MTHFD1L: variants seen among roughly 807,000 people sequenced by gnomAD.
MTHFD1L encodes the protein methylenetetrahydrofolate dehydrogenase (NADP+ dependent) 1 like, also known as monofunctional C1-tetrahydrofolate synthase, mitochondrial.
A neutral mutation model predicts 119.5 loss-of-function variants in MTHFD1L; 81 were observed. The observed-to-expected ratio is 0.68, with a 90% CI of 0.57 to 0.82. The LOEUF is 0.82. Ranked by LOEUF, MTHFD1L falls within the 40% of genes least tolerant of loss-of-function variation. The probability of loss-of-function intolerance (pLI) is 0.00; values close to 1 mark genes in which losing one functional copy is unlikely to be tolerated. For missense variants in MTHFD1L, 1,125 were observed against 1,253.4 expected, an observed-to-expected ratio of 0.90 and a Z score of 1.55; for synonymous variants, 430 against 475.2, an observed-to-expected ratio of 0.90 and a Z score of 1.24.
At chr6:151,050,606 C>T (rs1788865384) in intron 26 of MTHFD1L, among the ~76,000 whole-genome samples, 1 of 152,142 alleles carries the variant, frequency 6.6e-6, no homozygotes, top group Admixed American at 6.5e-5. Flanking sequence ...TCCAGAGGCC[C>T]AGACTTGCGA....
chr6:150,893,846 T>C (rs1783761172), intron 7 of MTHFD1L, among the ~76,000 whole-genome samples: 1 of 152,218 alleles, frequency 6.6e-6, no homozygotes, highest in Non-Finnish European at 1.5e-5. Context: ...GACACACAGC[T>C]CTGGGCTCAA....
intron 25 of MTHFD1L, among the ~76,000 whole-genome samples, chr6:151,035,470 G>A (rs558641941): frequency 6.6e-6 from 1 of 152,230 alleles, no homozygotes; most frequent in Non-Finnish European, 1.5e-5. Context: ...GCCAGCCAGG[G>A]TATTTGTTCT....
At chr6:150,915,953 C>A (rs1299612331) in intron 8 of MTHFD1L, among the ~76,000 whole-genome samples, 1 of 152,100 alleles carries the variant, frequency 6.6e-6, no homozygotes, top group Non-Finnish European at 1.5e-5. Flanking sequence ...GAGAGAGGCC[C>A]GTTTGTGGAC....
intron 20 of MTHFD1L, among the ~76,000 whole-genome samples, chr6:150,979,722 A>G (rs1386209050): frequency 2.6e-5 from 4 of 151,998 alleles, no homozygotes; most frequent in African/African-American, 9.7e-5. Flanking sequence ...CTAGTCTCAA[A>G]TTCCTGACCT....
Position 150,916,292 on chromosome 6 carries a change from CTTTTTTTTTTTT to C in MTHFD1L, c.893-2269_893-2258del, listed in dbSNP as rs71554488. Among the ~76,000 whole-genome samples, 181 of 40,012 alleles carry C rather than the reference CTTTTTTTTTTTT, an allele frequency of 4.5e-3. 2 individuals are homozygous for C. Among genetic ancestry groups the C allele is most frequent in the African/African-American group, 0.017 (169 of 10,228 alleles). The allele number at this position is 40,012 out of a possible 152,430, so 26.2% of individuals were successfully genotyped here. On this transcript the variant is annotated intron_variant, in intron 8 of 27. Transcript: ENST00000367321. ...AGTGATGAAGGAAGGAAGGTAGAAT[CTTTTTTTTTTTT>C]TTTTTTTTTTTTTTTCAGATAGAGT...
At chr6:150,964,917 A>G (rs1473232761) in intron 18 of MTHFD1L, 52 bp from the exon 19 acceptor site, 4 of 1,578,266 alleles carry the variant, frequency 2.5e-6, no homozygotes, top group Non-Finnish European at 3.5e-6. Flanking sequence ...GGGGTTAACC[A>G]TTGCCTGGAT....
At chr6:151,077,693 TAAATA>T (rs1219687880) in intron 26 of MTHFD1L, among the ~76,000 whole-genome samples, 3 of 143,150 alleles carry the variant, frequency 2.1e-5, no homozygotes, top group African/African-American at 7.8e-5. Flanking sequence ...AAGAAAAAAA[TAAATA>T]AAAGTTATCA....
chr6:151,069,699 C>A (rs536461543), intron 26 of MTHFD1L, among the ~76,000 whole-genome samples: 5 of 152,148 alleles, frequency 3.3e-5, no homozygotes, highest in Non-Finnish European at 5.9e-5. Context: ...GGGATCACTT[C>A]CCTGGTGGGA....
chr6:150,904,215 T>G (rs1160990115), intron 7 of MTHFD1L, among the ~76,000 whole-genome samples: 7 of 152,184 alleles, frequency 4.6e-5, no homozygotes, highest in Admixed American at 4.6e-4. Flanking sequence ...GATAAGGGTG[T>G]CCCCAACACG....
In MTHFD1L at chr6:151,101,718, A is replaced by C. The variant is rs189163715; in HGVS notation, c.*224A>C. On this transcript the variant is annotated 3_prime_UTR_variant, in exon 28 of 28. Transcript: ENST00000367321. ...CCTCCACCAAGACTGAAAGAAACTA[A>C]TTTATTTCTGTTTCTGTGGAGTTTC... 91 of 152,274 alleles carry C rather than the reference A, an allele frequency of 6.0e-4. No homozygotes were observed. The highest frequency in any genetic ancestry group is 2.2e-3 in the African/African-American group (89 of 41,152). The allele number at this position is 152,274 out of a possible 1,614,324, so 9.4% of individuals were successfully genotyped here.
intron 24 of MTHFD1L, among the ~76,000 whole-genome samples, chr6:151,033,222 C>T (rs775451556): frequency 3.3e-4 from 50 of 151,678 alleles, no homozygotes; most frequent in Non-Finnish European, 6.8e-4. Context: ...CAGGGTCAAG[C>T]GATTCTCCTG....
At chr6:150,925,645 C>CT (rs200305687) in intron 10 of MTHFD1L, among the ~76,000 whole-genome samples, 6 of 151,340 alleles carry the variant, frequency 4.0e-5, no homozygotes, top group Admixed American at 1.3e-4. Flanking sequence ...CACATTTTTT[C>CT]TTTTTTTTTG....
chr6:150,922,519 A>T (rs559090226), intron 10 of MTHFD1L, among the ~76,000 whole-genome samples: 19 of 151,588 alleles, frequency 1.3e-4, no homozygotes, highest in South Asian at 1.3e-3. Flanking sequence ...AAGAAGGCAT[A>T]TTTTTTTATT....
chr6:150,868,572 C>T (rs1428226638), intron 1 of MTHFD1L, among the ~76,000 whole-genome samples: 4 of 151,752 alleles, frequency 2.6e-5, no homozygotes, highest in South Asian at 2.1e-4. Context: ...CTCCTGACCT[C>T]GTGATCTGCC....
intron 26 of MTHFD1L, among the ~76,000 whole-genome samples, chr6:151,064,950 T>C (rs1323951993): frequency 2.0e-5 from 3 of 152,076 alleles, no homozygotes; most frequent in Non-Finnish European, 4.4e-5. Flanking sequence ...ATTACAGGCG[T>C]GCCACTACGC....
chr6:150,902,573 A>G (rs1785240297), intron 7 of MTHFD1L, among the ~76,000 whole-genome samples: 1 of 152,206 alleles, frequency 6.6e-6, no homozygotes, highest in Non-Finnish European at 1.5e-5. Context: ...TTAAGCATCT[A>G]GCACTTTTCC....
rs745869766 is a variant in MTHFD1L at position 150,926,257 on chromosome 6, A to G, written c.1218A>G (p.Leu406=). The G allele has an allele frequency of 5.3e-5, 85 of 1,613,810 alleles. No individual in the cohort carries two copies. In the Middle Eastern group the frequency reaches 6.6e-4, roughly 12 times the overall value. The stretch of plus-strand genomic sequence containing the variant: ...TACGTTTGTCCGTGCTAGAAAGGTT[A>G]AAGGATCAAGCAGATGGAAAATACG... ...AKVRLSVLER[L]KDQADGKYVL... is the part of the protein sequence containing the mutation. The change falls in exon 11 of 28, where the codon TTA becomes TTG. Residue 406 remains leucine, a synonymous_variant. Coordinates refer to ENST00000367321, the MANE Select transcript of MTHFD1L (RefSeq NM_015440.5). The surrounding 1 kb of genome is among the most constrained non-coding windows in gnomAD (Gnocchi z 4.3).
At chr6:151,089,689 T>C (rs965503267) in intron 26 of MTHFD1L, among the ~76,000 whole-genome samples, 1 of 152,224 alleles carries the variant, frequency 6.6e-6, no homozygotes, top group Non-Finnish European at 1.5e-5. Flanking sequence ...TGGTATGAGT[T>C]GTAACCTAGG....
At chr6:150,930,791 G>A (rs1790905682) in intron 11 of MTHFD1L, among the ~76,000 whole-genome samples, 1 of 151,928 alleles carries the variant, frequency 6.6e-6, no homozygotes, top group Admixed American at 6.6e-5. Flanking sequence ...AAAACAATGA[G>A]ATTTTTTTAA....
Sources: allele counts gnomAD v4.1 joint callset (sites outside exome capture counted in the v4.1 genomes callset), GRCh38; gene constraint gnomAD v4.1.1; non-coding constraint Gnocchi (gnomAD v3.1); transcripts MANE v1.5; gene names NCBI Gene and HGNC (gene_info 2026-07-23, HGNC 2026-07-21).